ABCA5: variants seen among roughly 807,000 people sequenced by gnomAD.
ABCA5 encodes ATP binding cassette subfamily A member 5.
In ABCA5, 163 loss-of-function variants were observed where a neutral mutation model predicts 206.0. That is an observed-to-expected ratio of 0.79 (90% CI 0.70 to 0.90). The LOEUF (loss-of-function observed/expected upper bound fraction) is 0.90, where lower values mean the gene tolerates loss of function less well. ABCA5 is among the 40% of genes least tolerant of loss of function. The pLI, the probability that ABCA5 is intolerant of heterozygous loss-of-function variation, is 0.00. For missense variants in ABCA5, 1,859 were observed against 1,912.9 expected, an observed-to-expected ratio of 0.97 and a Z score of 0.53; for synonymous variants, 609 against 613.8, an observed-to-expected ratio of 0.99 and a Z score of 0.11.
chr17:69,301,747 A>G (rs773537243), intron 8 of ABCA5, among the ~76,000 whole-genome samples: 12 of 152,210 alleles, frequency 7.9e-5, no homozygotes, highest in Admixed American at 7.2e-4. Flanking sequence ...TAAAGTATTC[A>G]TAGTAGATAT....
chr17:69,291,929 A>G (rs1043865686), intron 11 of ABCA5, among the ~76,000 whole-genome samples: 2 of 151,990 alleles, frequency 1.3e-5, no homozygotes, highest in Non-Finnish European at 2.9e-5. Context: ...CCTGGGCAAC[A>G]TGGCGAAATC....
rs1568083501 is a variant in ABCA5 at position 69,245,573 on chromosome 17, A to G, written c.*1964T>C. On this transcript the variant is annotated 3_prime_UTR_variant, in exon 39 of 39. Coordinates refer to ENST00000392676, the MANE Select transcript of ABCA5 (RefSeq NM_172232.4). ...ATTTTGTTACTGTGAAAAAGGGAACATAATTTAATTTAACAACCAAAATAT... is the reference window on the plus strand; with the variant it reads ...ATTTTGTTACTGTGAAAAAGGGAACGTAATTTAATTTAACAACCAAAATAT... The G allele has an allele frequency of 6.6e-6, 1 of 152,034 alleles. No homozygotes were observed. Among genetic ancestry groups the G allele is most frequent in the Non-Finnish European group, 1.5e-5 (1 of 67,858 alleles). 9.4% of individuals were successfully genotyped at this position (152,034 alleles called of 1,614,324 possible).
intron 34 of ABCA5, among the ~76,000 whole-genome samples, chr17:69,253,141 CTATTA>C (rs1289309163): frequency 6.6e-6 from 1 of 152,038 alleles, no homozygotes; most frequent in African/African-American, 2.4e-5. Flanking sequence ...TAAGTACACT[CTATTA>C]TGTTTGCACA....
chr17:69,311,481 CTTTT>C (rs1381124634), intron 3 of ABCA5, among the ~76,000 whole-genome samples: 1 of 151,780 alleles, frequency 6.6e-6, no homozygotes, highest in Non-Finnish European at 1.5e-5. Context: ...TTTGTTTGTT[CTTTT>C]TTTGTTTTGT....
At position 69,264,717 on chromosome 17, in the gene ABCA5, C is replaced by G; in HGVS notation, c.3315+18G>C. 6.8e-7 allele frequency: 1 copy of G among 1,480,696 alleles called. No homozygotes were observed. Among genetic ancestry groups the G allele is most frequent in the South Asian group, 1.5e-5 (1 of 66,438 alleles). 91.7% of individuals were successfully genotyped at this position (1,480,696 alleles called of 1,614,324 possible). On this transcript the variant is annotated intron_variant, in intron 24 of 38. Coordinates refer to ENST00000392676, the MANE Select transcript of ABCA5 (RefSeq NM_172232.4). ...ATTCTATCTATAAATAGCATGAGTA[C>G]AACTAACGTTAACTTACCACAGCAA...
chr17:69,264,580 A>C (rs908409498), intron 24 of ABCA5, among the ~76,000 whole-genome samples, 155 bp downstream of exon 24: 1 of 152,194 alleles, frequency 6.6e-6, no homozygotes, highest in African/African-American at 2.4e-5. Context: ...TTATCATATA[A>C]AATGATTACA....
chr17:69,270,595 G>C lies in ABCA5; in HGVS notation c.3030+18C>G. On this transcript the variant is annotated intron_variant, in intron 22 of 38. Transcript: ENST00000392676. ...ATGACATGCATATGGAAATTTATCT[G>C]TATATACATTGGCTTACTTGAAAGA... is the stretch of plus-strand genomic sequence containing the variant. 3.8e-6 allele frequency: 6 copies of C among 1,571,516 alleles called. No homozygotes were observed. In the South Asian group the frequency reaches 6.0e-5, roughly 16 times the overall value.
intron 34 of ABCA5, among the ~76,000 whole-genome samples, chr17:69,252,817 A>G: frequency 6.7e-6 from 1 of 148,926 alleles, no homozygotes. Context: ...AGCTTGGTCA[A>G]CAGAACAAGA....
At chr17:69,253,925 C>A (rs990154885) in intron 32 of ABCA5, 56 bp from the exon 33 acceptor site, 6 of 1,393,482 alleles carry the variant, frequency 4.3e-6, no homozygotes, top group Non-Finnish European at 6.0e-6. Flanking sequence ...ACACAAATAC[C>A]AACTGGGTGT....
chr17:69,274,666 C>T (rs139677975), intron 19 of ABCA5, among the ~76,000 whole-genome samples: 78 of 151,146 alleles, frequency 5.2e-4, no homozygotes, highest in African/African-American at 1.3e-3. Context: ...CAATACTGTA[C>T]GACAAAATTA....
Position 69,251,864 on chromosome 17 carries a change from C to T in ABCA5, c.4418G>A (p.Arg1473Gln), listed in dbSNP as rs752814217. ...MDPKAKQHMWRAIRTAFKNRK... is the reference protein window; with the variant it reads ...MDPKAKQHMWQAIRTAFKNRK... The stretch of plus-strand genomic sequence containing the variant: ...GTTTTTAAATGCAGTTCGAATTGCT[C>T]GCCTATAAAACATAAATAAAACAAA... The change falls in exon 35 of 39, where the codon CGA becomes CAA. Residue 1473 changes from arginine (R) to glutamine (Q), a missense_variant and splice_region_variant. Arg to Gln is a conservative substitution (Grantham distance 43). Coordinates refer to ENST00000392676, the MANE Select transcript of ABCA5 (RefSeq NM_172232.4). The T allele has an allele frequency of 1.3e-5, 21 of 1,612,012 alleles. No individual in the cohort carries two copies. The highest frequency in any genetic ancestry group is 7.7e-5 in the South Asian group (7 of 90,576).
Position 69,277,708 on chromosome 17 carries a change from G to T in ABCA5, c.2527C>A (p.Gln843Lys). The T allele has an allele frequency of 1.2e-6, 2 of 1,611,660 alleles. No individual in the cohort carries two copies. Among genetic ancestry groups the T allele is most frequent in the African/African-American group, 1.3e-5 (1 of 74,946 alleles). Residue 843 changes from glutamine to lysine, a missense_variant, in exon 19 of 39, where the codon CAG (glutamine) becomes AAG (lysine). Transcript: ENST00000392676. ...LVSTMSLWKQ[Q>K]MYTIAKFHFF... ...TGAAACTTTGCTATTGTATACATCT[G>T]TTGTTTCCAAAGGCTCATGGTGCTC...
At chr17:69,257,387 G>A (rs1051770027) in intron 28 of ABCA5, among the ~76,000 whole-genome samples, 2 of 151,076 alleles carry the variant, frequency 1.3e-5, no homozygotes, top group African/African-American at 4.9e-5. Flanking sequence ...TGTGTAAGGA[G>A]AACAATGTCA....
chr17:69,268,793 C>T (rs1031646932), intron 22 of ABCA5: 1 of 152,188 alleles, frequency 6.6e-6, no homozygotes, highest in Non-Finnish European at 1.5e-5. Context: ...CACTGGCACA[C>T]CCCTCCATGG....
intron 19 of ABCA5, among the ~76,000 whole-genome samples, chr17:69,277,155 T>A (rs1423067355): frequency 6.6e-6 from 1 of 152,210 alleles, no homozygotes; most frequent in Admixed American, 6.5e-5. Flanking sequence ...TATGTAGCCT[T>A]CTTTATTTTT....
intron 18 of ABCA5, among the ~76,000 whole-genome samples, chr17:69,283,339 A>G (rs2075417112): frequency 6.6e-6 from 1 of 152,124 alleles, no homozygotes; most frequent in Middle Eastern, 3.2e-3. Flanking sequence ...GCAGTTTCCT[A>G]ACTGGTCTTC....
intron 31 of ABCA5, 39 bp from the exon 32 acceptor site, chr17:69,254,529 T>C: frequency 6.4e-7 from 1 of 1,567,892 alleles, no homozygotes; most frequent in Non-Finnish European, 8.7e-7. Context: ...TTTTGCTTAA[T>C]TTACACTGTG....
At chr17:69,256,087 G>T (rs993556309) in intron 29 of ABCA5, 70 bp downstream of exon 29, 3 of 1,461,780 alleles carry the variant, frequency 2.1e-6, no homozygotes, top group African/African-American at 2.9e-5. Flanking sequence ...ATATTTTTCA[G>T]ATTAATTTCT....
chr17:69,245,353 G>A lies in ABCA5; in HGVS notation c.*2184C>T, dbSNP rs1226561164. On this transcript the variant is annotated 3_prime_UTR_variant, in exon 39 of 39. Transcript: ENST00000392676. ...TGGTGATGTTGCTTTTGCCTAATAT[G>A]TATATTTATTTATTTATCTGTACTG... 2.6e-5 allele frequency: 4 copies of A among 151,760 alleles called. No individual in the cohort carries two copies. In the East Asian group the frequency reaches 7.7e-4, roughly 29 times the overall value. 9.4% of individuals were successfully genotyped at this position (151,760 alleles called of 1,614,324 possible). A position where few individuals can be genotyped will look rare whatever the true frequency, so the allele number is the denominator to read the frequency against.
Sources: gnomAD v4.1 joint callset for allele counts (sites outside exome capture counted in the v4.1 genomes callset) on GRCh38, gnomAD v4.1.1 for gene constraint, MANE v1.5 for transcripts, NCBI Gene and HGNC (gene_info 2026-07-23, HGNC 2026-07-21) for gene names.